Variants in CYLD observed in about 807,000 individuals in gnomAD.
The protein encoded by CYLD is ubiquitin carboxyl-terminal hydrolase CYLD.
In CYLD, 26 loss-of-function variants were observed where a neutral mutation model predicts 104.5. That is an observed-to-expected ratio of 0.25 (90% CI 0.18 to 0.35). The LOEUF is 0.35. Among genes scored for constraint, CYLD ranks in the 10% least tolerant of loss-of-function variants. The probability of loss-of-function intolerance (pLI) is 1.00; values close to 1 mark genes in which losing one functional copy is unlikely to be tolerated. For synonymous variants in CYLD, 385 were observed against 399.9 expected, an observed-to-expected ratio of 0.96 and a Z score of 0.45; for missense variants, 703 against 1,136.1, an observed-to-expected ratio of 0.62 and a Z score of 5.48.
At chr16:50,756,898 T>G (rs1475689501) in intron 5 of CYLD, among the ~76,000 whole-genome samples, 2 of 152,226 alleles carry the variant, frequency 1.3e-5, no homozygotes, top group Non-Finnish European at 1.5e-5. Flanking sequence ...CCTGTCTGAT[T>G]AGAAAGCTGT....
At chr16:50,793,431 T>C (rs1372067296) in intron 16 of CYLD, 115 bp from the exon 17 acceptor site, 2 of 805,488 alleles carry the variant, frequency 2.5e-6, no homozygotes, top group Non-Finnish European at 4.5e-6. Context: ...AGAGACTTTT[T>C]TGAAGCCATG....
At chr16:50,772,808 C>T (rs1969295529) in intron 5 of CYLD, among the ~76,000 whole-genome samples, 1 of 152,180 alleles carries the variant, frequency 6.6e-6, no homozygotes, top group African/African-American at 2.4e-5. Context: ...TGAATGTTGC[C>T]TGTATAGGCA....
At chr16:50,762,029 G>T (rs1218839214) in intron 5 of CYLD, among the ~76,000 whole-genome samples, 1 of 152,052 alleles carries the variant, frequency 6.6e-6, no homozygotes, top group Non-Finnish European at 1.5e-5. Context: ...TTAAAAAATT[G>T]TATATATTCA....
intron 18 of CYLD, among the ~76,000 whole-genome samples, chr16:50,795,109 T>G (rs893053283): frequency 6.6e-6 from 1 of 152,192 alleles, no homozygotes; most frequent in Non-Finnish European, 1.5e-5. Flanking sequence ...CCTGGCAAGA[T>G]GGGGATTATT....
chr16:50,775,097 A>G, intron 5 of CYLD, 69 bp from the exon 6 acceptor site: 1 of 1,370,942 alleles, frequency 7.3e-7, no homozygotes, highest in Non-Finnish European at 1.0e-6. Flanking sequence ...TAAAATGTAA[A>G]AATTTTCCTA....
intron 5 of CYLD, among the ~76,000 whole-genome samples, chr16:50,757,543 A>ATT (rs34683241): frequency 6.0e-5 from 9 of 149,332 alleles, no homozygotes; most frequent in Non-Finnish European, 8.9e-5. Context: ...GTTTTTCATG[A>ATT]TTTTTTTTTT....
chr16:50,752,369 T>A (rs980939178), intron 4 of CYLD, among the ~76,000 whole-genome samples: 1 of 152,132 alleles, frequency 6.6e-6, no homozygotes, highest in East Asian at 1.9e-4. Context: ...TTCTACACAA[T>A]TTAATGGCTG....
chr16:50,743,068 G>A (rs1965861637), intron 2 of CYLD, among the ~76,000 whole-genome samples: 2 of 152,082 alleles, frequency 1.3e-5, no homozygotes, highest in Admixed American at 6.5e-5. Flanking sequence ...CTGTGGCCTT[G>A]CAGTCTCCCA....
chr16:50,800,169 A>G lies in CYLD; in HGVS notation c.*3661A>G, dbSNP rs1774490186. 8.6e-6 allele frequency: 2 copies of G among 232,676 alleles called. No homozygotes were observed. Among genetic ancestry groups the G allele is most frequent in the Admixed American group, 5.6e-5 (1 of 17,768 alleles). The allele number at this position is 232,676 out of a possible 1,614,324, so 14.4% of individuals were successfully genotyped here. ...TTAGTTTCCTCCTCTGCATAATGAG[A>G]GGGTTAGACTACTGAATTGTATGGG... On this transcript the variant is annotated 3_prime_UTR_variant, in exon 19 of 19. Transcript: ENST00000427738.
At position 50,755,126 on chromosome 16, in the gene CYLD, T is replaced by C. The variant is rs12934730; in HGVS notation, c.913+702T>C. Among the ~76,000 whole-genome samples, 29 of 62,518 alleles carry C rather than the reference T, an allele frequency of 4.6e-4. 3 individuals are homozygous for C. Among genetic ancestry groups the C allele is most frequent in the African/African-American group, 2.1e-3 (23 of 10,862 alleles). The allele number at this position is 62,518 out of a possible 152,430, so 41.0% of individuals were successfully genotyped here. A position where few individuals can be genotyped will look rare whatever the true frequency, so the allele number is the denominator to read the frequency against. On this transcript the variant is annotated intron_variant, in intron 5 of 18. Transcript: ENST00000427738. ...ATATACACACATATACACATGTGTA[T>C]ATATACACACGTGTACATATGTGTG...
At chr16:50,753,067 T>C (rs1038620306) in intron 4 of CYLD, among the ~76,000 whole-genome samples, 1 of 152,194 alleles carries the variant, frequency 6.6e-6, no homozygotes, top group Non-Finnish European at 1.5e-5. Flanking sequence ...TGCTCAGGTA[T>C]ACTTTTTGGT....
At chr16:50,757,120 A>G (rs895642555) in intron 5 of CYLD, among the ~76,000 whole-genome samples, 3 of 151,616 alleles carry the variant, frequency 2.0e-5, no homozygotes, top group Non-Finnish European at 1.5e-5. Flanking sequence ...TTTTCAGGTC[A>G]TTTCAGGTCC....
Position 50,777,845 on chromosome 16 carries a change from A to C in CYLD, c.1042A>C (p.Asn348His). 2 of 1,600,182 alleles carry C rather than the reference A, an allele frequency of 1.2e-6. No homozygotes were observed. Among genetic ancestry groups the C allele is most frequent in the Non-Finnish European group, 1.7e-6 (2 of 1,167,950 alleles). ...TATAGGATCTACCTCAGACCCTGGA[A>C]ATAGAAACAGATCTGAATTATTTTA... is the stretch of plus-strand genomic sequence containing the variant. ...KATGSTSDPG[N>H]RNRSELFYTL... Residue 348 changes from asparagine to histidine, a missense_variant, in exon 8 of 19, where the codon AAT (asparagine) becomes CAT (histidine). Transcript: ENST00000427738.
chr16:50,797,320 A>G lies in CYLD; in HGVS notation c.*812A>G, dbSNP rs1467014684. 4.3e-6 allele frequency: 1 copy of G among 232,278 alleles called. No homozygotes were observed. The highest frequency in any genetic ancestry group is 2.2e-5 in the African/African-American group (1 of 45,302). The allele number at this position is 232,278 out of a possible 1,614,324, so 14.4% of individuals were successfully genotyped here. A position where few individuals can be genotyped will look rare whatever the true frequency, so the allele number is the denominator to read the frequency against. ...AATTGATGAAAGAATTGGAGTGATA[A>G]TAGTCCTTTACAAACATACAGTCCA... On this transcript the variant is annotated 3_prime_UTR_variant, in exon 19 of 19. Transcript: ENST00000427738.
chr16:50,755,866 A>G (rs1239597749), intron 5 of CYLD, among the ~76,000 whole-genome samples: 1 of 152,102 alleles, frequency 6.6e-6, no homozygotes, highest in Non-Finnish European at 1.5e-5. Context: ...TTTTAGTTTA[A>G]TTAAGTCTCA....
intron 5 of CYLD, among the ~76,000 whole-genome samples, 179 bp from the exon 6 acceptor site, chr16:50,774,987 C>T (rs1371347033): frequency 6.6e-6 from 1 of 152,088 alleles, no homozygotes; most frequent in Non-Finnish European, 1.5e-5. Context: ...AATAACACAT[C>T]CCCCTCCTCT....
intron 5 of CYLD, among the ~76,000 whole-genome samples, chr16:50,771,564 C>T (rs1392135879): frequency 6.6e-6 from 1 of 152,134 alleles, no homozygotes; most frequent in African/African-American, 2.4e-5. Flanking sequence ...TGTGTTTAGT[C>T]ATTTGTGGAA....
At chr16:50,743,854 G>T (rs575090093) in intron 2 of CYLD, among the ~76,000 whole-genome samples, 1 of 152,250 alleles carries the variant, frequency 6.6e-6, no homozygotes, top group East Asian at 1.9e-4. Context: ...GGTTTAGCAT[G>T]ATTTCATTTT....
chr16:50,747,009 T>C (rs1420400182), intron 2 of CYLD, among the ~76,000 whole-genome samples: 1 of 152,192 alleles, frequency 6.6e-6, no homozygotes, highest in Non-Finnish European at 1.5e-5. Context: ...AAAAAGAATT[T>C]CTTTTCAAAA....
Sources: allele counts gnomAD v4.1 joint callset (sites outside exome capture counted in the v4.1 genomes callset), GRCh38; gene constraint gnomAD v4.1.1; transcripts MANE v1.5; gene names NCBI Gene and HGNC (gene_info 2026-07-23, HGNC 2026-07-21).